The following CSDE1 variants were observed in gnomAD, a reference collection of about 807,000 sequenced individuals.
CSDE1 encodes cold shock domain containing E1, also known as cold shock domain-containing protein E1.
In CSDE1, 17 loss-of-function variants were observed where a neutral mutation model predicts 89.3. That is an observed-to-expected ratio of 0.19 (90% CI 0.13 to 0.29). CSDE1 has a LOEUF of 0.29. CSDE1 is among the 10% of genes least tolerant of loss of function. CSDE1 has a pLI of 1.00. For missense variants in CSDE1, 672 were observed against 984.2 expected (o/e 0.68, Z 4.24); for synonymous variants, 322 against 332.8 (o/e 0.97, Z 0.35).
chr1:114,737,093 A>T (rs927050777), intron 5 of CSDE1, among the ~76,000 whole-genome samples: 1 of 152,178 alleles, frequency 6.6e-6, no homozygotes, highest in African/African-American at 2.4e-5. Context: ...CACACGTGGA[A>T]GCATTTGCCC....
chr1:114,741,793 G>A, intron 2 of CSDE1: 2 of 692,572 alleles, frequency 2.9e-6, no homozygotes, highest in South Asian at 3.7e-5. Context: ...TCTATTGACA[G>A]GAAATACATA....
At chr1:114,747,655 CA>C (rs1266110287) in intron 2 of CSDE1, among the ~76,000 whole-genome samples, 2 of 152,082 alleles carry the variant, frequency 1.3e-5, no homozygotes, top group Non-Finnish European at 2.9e-5. Flanking sequence ...GTCAGGAATT[CA>C]AAACCAGACT....
intron 12 of CSDE1, among the ~76,000 whole-genome samples, chr1:114,728,855 T>C (rs574321076): frequency 6.6e-6 from 1 of 152,230 alleles, no homozygotes; most frequent in Admixed American, 6.5e-5. Context: ...TTCTGGCTAA[T>C]AGCAATTATT....
chr1:114,748,716 A>G (rs936230575), intron 2 of CSDE1, among the ~76,000 whole-genome samples: 1 of 152,090 alleles, frequency 6.6e-6, no homozygotes, highest in African/African-American at 2.4e-5. Flanking sequence ...CCTAGCACCT[A>G]CCTTTTTCTC....
At chr1:114,742,828 T>C (rs920319611) in intron 2 of CSDE1, among the ~76,000 whole-genome samples, 4 of 152,240 alleles carry the variant, frequency 2.6e-5, no homozygotes, top group Non-Finnish European at 4.4e-5. Flanking sequence ...TAGATTTCCC[T>C]GATACTAATT....
Position 114,739,875 on chromosome 1 carries a change from T to C in CSDE1, c.16A>G (p.Asn6Asp), listed in dbSNP as rs376185926. MSFDPNLLHNNGHNGY... is the reference protein window; with the variant it reads MSFDPDLLHNNGHNGY... Reference sequence around the variant, plus strand: ...TTATGTCCATTGTTGTGGAGAAGGTTTGGATCAAAGCTCATCTGTTTTAAA... The same window carrying C: ...TTATGTCCATTGTTGTGGAGAAGGTCTGGATCAAAGCTCATCTGTTTTAAA... The change falls in exon 3 of 20, where the codon AAC becomes GAC. Residue 6 changes from asparagine (N) to aspartate (D), a missense_variant. Physicochemically the swap from Asn to Asp is conservative, Grantham distance 23. Transcript: ENST00000358528. The C allele has an allele frequency of 1.9e-6, 3 of 1,613,910 alleles. No homozygotes were observed. Among genetic ancestry groups the C allele is most frequent in the Non-Finnish European group, 2.5e-6 (3 of 1,179,828 alleles).
intron 1 of CSDE1, among the ~76,000 whole-genome samples, chr1:114,756,590 A>G (rs1661610952): frequency 6.6e-6 from 1 of 152,254 alleles, no homozygotes; most frequent in South Asian, 2.1e-4. Flanking sequence ...ATTCTAAAAA[A>G]GTAGGTTAGT....
intron 2 of CSDE1, among the ~76,000 whole-genome samples, chr1:114,747,414 T>C (rs960291625): frequency 2.0e-5 from 3 of 152,228 alleles, no homozygotes; most frequent in African/African-American, 7.2e-5. Flanking sequence ...TTTGTACATA[T>C]GTAAACATGT....
At chr1:114,747,392 A>G (rs985532611) in intron 2 of CSDE1, among the ~76,000 whole-genome samples, 2 of 152,154 alleles carry the variant, frequency 1.3e-5, no homozygotes, top group Non-Finnish European at 2.9e-5. Context: ...TCTTCATCCC[A>G]ATTGTGGTTT....
chr1:114,741,392 A>G (rs1660718762), intron 2 of CSDE1: 1 of 764,070 alleles, frequency 1.3e-6, no homozygotes. Context: ...ATCTTTCAAG[A>G]GTGAAGGTGA....
At chr1:114,718,277 T>C (rs1430942921) in intron 19 of CSDE1, 61 bp from the exon 20 acceptor site, 12 of 1,516,754 alleles carry the variant, frequency 7.9e-6, no homozygotes, top group African/African-American at 5.5e-5. Context: ...ACAATCATAG[T>C]ACATTCACTA....
At chr1:114,720,235 A>G (rs1331120093) in intron 17 of CSDE1, 3 of 268,230 alleles carry the variant, frequency 1.1e-5, no homozygotes, top group Non-Finnish European at 2.1e-5. Flanking sequence ...ATGCAAAAGA[A>G]GCTCTAAGCA....
intron 15 of CSDE1, among the ~76,000 whole-genome samples, chr1:114,724,509 C>T (rs376095203): frequency 6.6e-6 from 1 of 152,256 alleles, no homozygotes; most frequent in East Asian, 1.9e-4. Flanking sequence ...ACTGCTGTAT[C>T]CCCAGTGTCT....
intron 7 of CSDE1, 67 bp from the exon 8 acceptor site, chr1:114,734,184 A>G: frequency 6.5e-7 from 1 of 1,534,722 alleles, no homozygotes; most frequent in Non-Finnish European, 8.8e-7. Context: ...ACAACTTAAA[A>G]CCAGTAATTT....
At chr1:114,725,371 C>CA in intron 14 of CSDE1, 38 bp from the exon 15 acceptor site, 2 of 1,469,230 alleles carry the variant, frequency 1.4e-6, no homozygotes, top group Non-Finnish European at 9.5e-7. Context: ...TAAACATTAC[C>CA]ATAAACATCA....
chr1:114,752,943 A>G (rs964930138), intron 1 of CSDE1, among the ~76,000 whole-genome samples: 5 of 152,342 alleles, frequency 3.3e-5, no homozygotes, highest in South Asian at 2.1e-4. Context: ...CAGTGCTGCC[A>G]TATACAACCA....
chr1:114,744,671 C>T (rs765526093), intron 2 of CSDE1, among the ~76,000 whole-genome samples: 5 of 151,788 alleles, frequency 3.3e-5, no homozygotes, highest in Admixed American at 6.6e-5. Context: ...TTTGCAAGGG[C>T]GGAACTTTCT....
At chr1:114,739,916 T>C (rs1265252308) in intron 2 of CSDE1, 26 bp from the exon 3 acceptor site, 2 of 1,531,988 alleles carry the variant, frequency 1.3e-6, no homozygotes, top group Non-Finnish European at 1.8e-6. Context: ...AAAGAATATA[T>C]ACATATCTGT....
rs763939612 is a variant in CSDE1 at position 114,725,211 on chromosome 1, A to G, written c.1753+10T>C. ...AAGCACAGGCTGAATAAGAAGTCAC[A>G]ATTTATTACCTGAGTGTGTTTTGTT... On this transcript the variant is annotated intron_variant, in intron 15 of 19. Transcript: ENST00000358528. The G allele has an allele frequency of 4.3e-6, 7 of 1,609,952 alleles. No individual in the cohort carries two copies. Among genetic ancestry groups the G allele is most frequent in the Middle Eastern group, 1.6e-4 (1 of 6,074 alleles).
Sources: gnomAD v4.1 joint callset for allele counts (sites outside exome capture counted in the v4.1 genomes callset) on GRCh38, gnomAD v4.1.1 for gene constraint, MANE v1.5 for transcripts, NCBI Gene and HGNC (gene_info 2026-07-23, HGNC 2026-07-21) for gene names.